PCSK5: variants seen among roughly 807,000 people sequenced by gnomAD.
The protein encoded by PCSK5 is proprotein convertase subtilisin/kexin type 5.
PCSK5 carries 129 observed loss-of-function variants against 233.2 expected under a neutral mutation model. That is an observed-to-expected ratio of 0.55 (90% CI 0.48 to 0.64). The LOEUF is 0.64. Ranked by LOEUF, PCSK5 falls within the 30% of genes least tolerant of loss-of-function variation. The pLI is 0.00. For missense variants in PCSK5, 2,076 were observed against 2,430.1 expected (o/e 0.85, Z 3.06); for synonymous variants, 825 against 879.2 (o/e 0.94, Z 1.09).
chr9:76,175,156 G>A, intron 14 of PCSK5, 27 bp downstream of exon 14: 1 of 1,612,026 alleles, frequency 6.2e-7, no homozygotes. Flanking sequence ...TGGGACACAG[G>A]CTAAAAAGAG....
chr9:75,914,512 G>A (rs1042324234), intron 1 of PCSK5, among the ~76,000 whole-genome samples: 1 of 152,010 alleles, frequency 6.6e-6, no homozygotes, highest in African/African-American at 2.4e-5. Context: ...AAAACCCAAT[G>A]ACCATTGGGT....
At position 75,926,349 on chromosome 9, in the gene PCSK5, C is replaced by T. The variant is rs145582990; in HGVS notation, c.193-6030C>T. Among the ~76,000 whole-genome samples the T allele has an allele frequency of 2.7e-3, 414 of 152,178 alleles. 3 individuals are homozygous for T. The highest frequency in any genetic ancestry group is 9.6e-3 in the African/African-American group (399 of 41,524). ...ATGTGCTGATAAATAGTTAACTGGCCCTTTATGGAGAAAAGGAAGCCCTAA... is the reference window on the plus strand; with the variant it reads ...ATGTGCTGATAAATAGTTAACTGGCTCTTTATGGAGAAAAGGAAGCCCTAA... On this transcript the variant is annotated intron_variant, in intron 1 of 37. Coordinates refer to ENST00000674117, the MANE Select transcript of PCSK5 (RefSeq NM_001372043.1).
At chr9:75,895,395 A>T (rs1825764122) in intron 1 of PCSK5, among the ~76,000 whole-genome samples, 1 of 152,238 alleles carries the variant, frequency 6.6e-6, no homozygotes, top group South Asian at 2.1e-4. Context: ...AAAGTTTTAG[A>T]TAAGGAGAAA....
intron 1 of PCSK5, among the ~76,000 whole-genome samples, chr9:75,931,534 C>T (rs561654799): frequency 2.6e-5 from 4 of 152,282 alleles, no homozygotes; most frequent in African/African-American, 9.6e-5. Context: ...TAGAACCAAG[C>T]TCTTCTGTCT....
At chr9:76,229,128 G>A (rs1825992180) in intron 21 of PCSK5, among the ~76,000 whole-genome samples, 1 of 152,202 alleles carries the variant, frequency 6.6e-6, no homozygotes, top group Admixed American at 6.5e-5. Flanking sequence ...TTTTCCAAGT[G>A]TCTCTTTAAA....
At chr9:76,250,860 A>T (rs1449073223) in intron 24 of PCSK5, among the ~76,000 whole-genome samples, 1 of 152,240 alleles carries the variant, frequency 6.6e-6, no homozygotes, top group African/African-American at 2.4e-5. Flanking sequence ...GAAATGTCCT[A>T]TATCTTGATT....
intron 5 of PCSK5, among the ~76,000 whole-genome samples, chr9:76,028,489 G>T (rs953863214): frequency 1.3e-5 from 2 of 152,128 alleles, no homozygotes; most frequent in East Asian, 3.9e-4. Flanking sequence ...AATCATAGGG[G>T]GCTGAAGTGA....
chr9:76,022,574 C>T (rs968320952), intron 3 of PCSK5, among the ~76,000 whole-genome samples: 1 of 152,188 alleles, frequency 6.6e-6, no homozygotes, highest in Admixed American at 6.5e-5. Context: ...TGGAAAACAA[C>T]ATCACACATC....
intron 20 of PCSK5, among the ~76,000 whole-genome samples, chr9:76,199,284 C>G (rs1353453798): frequency 6.6e-6 from 1 of 152,134 alleles, no homozygotes; most frequent in African/African-American, 2.4e-5. Context: ...ATACTGCATG[C>G]AGTTGTAACA....
chr9:76,014,679 ACTT>A (rs1827871068), intron 3 of PCSK5, among the ~76,000 whole-genome samples: 2 of 152,126 alleles, frequency 1.3e-5, no homozygotes, highest in African/African-American at 2.4e-5. Context: ...CGCCCTTCTG[ACTT>A]CTTCTGCCAG....
intron 1 of PCSK5, among the ~76,000 whole-genome samples, chr9:75,931,116 C>T (rs1823772052): frequency 1.3e-5 from 2 of 152,234 alleles, no homozygotes; most frequent in South Asian, 4.2e-4. Flanking sequence ...CATTCAATTA[C>T]TGTGTAAAGC....
chr9:75,958,233 G>A (rs945703112), intron 2 of PCSK5, among the ~76,000 whole-genome samples: 3 of 152,174 alleles, frequency 2.0e-5, no homozygotes, highest in African/African-American at 7.2e-5. Context: ...AGCTTTAAAT[G>A]ATACCTGGGT....
chr9:76,195,646 C>T (rs2131260391), intron 20 of PCSK5: 1 of 152,196 alleles, frequency 6.6e-6, no homozygotes, highest in Middle Eastern at 3.4e-3. Flanking sequence ...AGTTTGGAGA[C>T]TCAACAAATG....
intron 2 of PCSK5, among the ~76,000 whole-genome samples, chr9:75,951,527 A>G (rs761991133): frequency 3.3e-5 from 5 of 152,248 alleles, no homozygotes; most frequent in Non-Finnish European, 7.3e-5. Flanking sequence ...GAATCTGAAT[A>G]ATATGTTAGA....
chr9:76,100,516 A>G (rs1831711798), intron 8 of PCSK5, among the ~76,000 whole-genome samples: 3 of 152,224 alleles, frequency 2.0e-5, no homozygotes, highest in Admixed American at 2.0e-4. Flanking sequence ...TTAAGCAAAC[A>G]AAAACCATAG....
At position 76,242,496 on chromosome 9, in the gene PCSK5, G is replaced by A. The variant is rs75789003; in HGVS notation, c.3142+1812G>A. On this transcript the variant is annotated intron_variant, in intron 24 of 37. Coordinates refer to ENST00000674117, the MANE Select transcript of PCSK5 (RefSeq NM_001372043.1). ...ACACTTAAGAAGAAGATAAAATTTA[G>A]AGTCAGATATTTAAGGGTAAAATGC... Among the ~76,000 whole-genome samples the A allele has an allele frequency of 3.0e-3, 456 of 152,172 alleles. 1 individual carries two copies. Among genetic ancestry groups the A allele is most frequent in the African/African-American group, 0.01 (429 of 41,516 alleles).
chr9:76,227,467 T>G (rs1455506357), intron 20 of PCSK5, 36 bp from the exon 21 acceptor site: 2 of 1,468,570 alleles, frequency 1.4e-6, no homozygotes, highest in East Asian at 4.7e-5. Context: ...GCTTGCCATG[T>G]AGAAATGAAA....
chr9:76,179,050 T>C (rs1040943668), intron 14 of PCSK5, among the ~76,000 whole-genome samples: 6 of 152,220 alleles, frequency 3.9e-5, no homozygotes, highest in Non-Finnish European at 8.8e-5. Context: ...GATGCAATTT[T>C]AAATCTATTA....
At chr9:76,047,030 C>T (rs1296189625) in intron 5 of PCSK5, among the ~76,000 whole-genome samples, 1 of 152,142 alleles carries the variant, frequency 6.6e-6, no homozygotes, top group Non-Finnish European at 1.5e-5. Context: ...TGATATCACA[C>T]CTAGCCAAAA....
Sources: allele counts gnomAD v4.1 joint callset (sites outside exome capture counted in the v4.1 genomes callset), GRCh38; gene constraint gnomAD v4.1.1; transcripts MANE v1.5; gene names NCBI Gene and HGNC (gene_info 2026-07-23, HGNC 2026-07-21).